INSIG1: variants seen among roughly 807,000 people sequenced by gnomAD.
INSIG1 encodes the protein insulin-induced gene 1 protein.
INSIG1 carries 14 observed loss-of-function variants against 26.5 expected under a neutral mutation model. The observed-to-expected ratio is 0.53, with a 90% CI of 0.35 to 0.83. The LOEUF is 0.83. Ranked by LOEUF, INSIG1 falls within the 40% of genes least tolerant of loss-of-function variation. The pLI, the probability that INSIG1 is intolerant of heterozygous loss-of-function variation, is 0.01. For missense variants in INSIG1, 272 were observed against 368.9 expected (o/e 0.74, Z 2.15); for synonymous variants, 147 against 153.3 (o/e 0.96, Z 0.30).
intron 5 of INSIG1, among the ~76,000 whole-genome samples, chr7:155,305,600 G>A (rs1444914845): frequency 2.6e-5 from 4 of 152,198 alleles, no homozygotes; most frequent in African/African-American, 4.8e-5. Context: ...GGGAGATGAC[G>A]AGAGTGAAGT....
chr7:155,300,612 C>T (rs551581597), intron 2 of INSIG1, among the ~76,000 whole-genome samples: 2 of 152,170 alleles, frequency 1.3e-5, no homozygotes, highest in African/African-American at 4.8e-5. Context: ...CCCACTCCCC[C>T]CTACAGACAT....
In INSIG1 at chr7:155,297,946, C is replaced by T. The variant is rs929715390; in HGVS notation, c.-41C>T. 1.5e-5 allele frequency: 3 copies of T among 198,320 alleles called. No individual in the cohort carries two copies. The highest frequency in any genetic ancestry group is 2.0e-5 in the Non-Finnish European group (2 of 98,682). 12.3% of individuals were successfully genotyped at this position (198,320 alleles called of 1,614,324 possible). On this transcript the variant is annotated 5_prime_UTR_variant, in exon 1 of 6. Coordinates refer to ENST00000340368, the MANE Select transcript of INSIG1 (RefSeq NM_005542.6). ...TCCGTTCGGAGAGCCGGCGGGCGGG[C>T]GCCTCTCGGCCAGGTACGCGGCCGG...
chr7:155,303,856 A>T (rs1244729494), intron 5 of INSIG1: 1 of 1,366,278 alleles, frequency 7.3e-7, no homozygotes, highest in Non-Finnish European at 9.8e-7. Context: ...TTGAATTTGA[A>T]GACCACTTGG....
Position 155,298,545 on chromosome 7 carries a change from G to A in INSIG1, c.260G>A (p.Arg87Lys), listed in dbSNP as rs1797695022. The A allele has an allele frequency of 6.2e-7, 1 of 1,606,210 alleles. No individual in the cohort carries two copies. The highest frequency in any genetic ancestry group is 1.3e-5 in the African/African-American group (1 of 74,960). The part of the protein sequence containing the change: ...PNTWHHRLLQ[R>K]SLVLFSVGVV... ...ACCTGGCATCATCGCCTGTTGCAGA[G>A]GAGCCTCGTGCTCTTCTCGGTTGGG... Residue 87 changes from arginine (R) to lysine (K), a missense_variant, in exon 2 of 6, where the codon AGG (arginine) becomes AAG (lysine). Arg to Lys is a conservative substitution (Grantham distance 26, BLOSUM62 2). This residue lies in a region of INSIG1 where 161 missense variants were observed against 179.2 expected (regional missense o/e 0.90). Transcript: ENST00000340368.
intron 2 of INSIG1, among the ~76,000 whole-genome samples, chr7:155,300,389 G>A (rs965556371): frequency 6.6e-6 from 1 of 151,986 alleles, no homozygotes; most frequent in African/African-American, 2.4e-5. Context: ...CCATTTTTCA[G>A]AACTCCAAAA....
Position 155,298,445 on chromosome 7 carries a change from C to T in INSIG1, c.160C>T (p.Pro54Ser). ...GPSLLAAHGAPDADPAPRGRS... is the reference protein window; with the variant it reads ...GPSLLAAHGASDADPAPRGRS... ...CTCCCTGCTGGCGGCCCACGGTGCC[C>T]CGGACGCTGACCCCGCGCCCAGGGG... Residue 54 changes from proline to serine, a missense_variant, in exon 2 of 6, where the codon CCG becomes TCG. Physicochemically the swap from Pro to Ser is moderately conservative, Grantham distance 74. This residue lies in a region of INSIG1 where 161 missense variants were observed against 179.2 expected (regional missense o/e 0.90). Coordinates refer to ENST00000340368, the MANE Select transcript of INSIG1 (RefSeq NM_005542.6). 1 of 1,555,334 alleles carries T rather than the reference C, an allele frequency of 6.4e-7. No individual in the cohort carries two copies.
chr7:155,300,066 C>T (rs1563029842), intron 2 of INSIG1, among the ~76,000 whole-genome samples: 1 of 152,128 alleles, frequency 6.6e-6, no homozygotes. Context: ...TTTCGAAACA[C>T]TTTATGTGGC....
chr7:155,302,773 T>A lies in INSIG1; in HGVS notation c.731T>A (p.Ile244Asn). ...TATACATCCCCAGATTTCCTCTATA[T>A]TCGTTCTTGGCTCCCTTGTATATTT... ...YQYTSPDFLYIRSWLPCIFFS... is the reference protein window; with the variant it reads ...YQYTSPDFLYNRSWLPCIFFS... Residue 244 changes from isoleucine (I) to asparagine (N), a missense_variant, in exon 5 of 6, where the codon ATT becomes AAT. Physicochemically the swap from Ile to Asn is moderately radical, Grantham distance 149. This residue lies in a region of INSIG1 where 111 missense variants were observed against 189.8 expected (regional missense o/e 0.58). Coordinates refer to ENST00000340368, the MANE Select transcript of INSIG1 (RefSeq NM_005542.6). This position sits in a 1 kb window ranked among gnomAD's most constrained non-coding sequence, Gnocchi z 4.3. 1 of 1,612,456 alleles carries A rather than the reference T, an allele frequency of 6.2e-7. No individual in the cohort carries two copies. Among genetic ancestry groups the A allele is most frequent in the Non-Finnish European group, 8.5e-7 (1 of 1,178,474 alleles).
intron 2 of INSIG1, 41 bp from the exon 3 acceptor site, chr7:155,301,525 G>C (rs758986037): frequency 6.4e-7 from 1 of 1,562,238 alleles, no homozygotes; most frequent in African/African-American, 1.4e-5. Context: ...TCTGGAACTT[G>C]AATCTGCTGT....
In INSIG1 at chr7:155,298,358, G is replaced by A; in HGVS notation, c.73G>A (p.Ala25Thr). The change falls in exon 2 of 6, where the codon GCC (alanine) becomes ACC (threonine). Residue 25 changes from alanine (A) to threonine (T), a missense_variant. Physicochemically the swap from Ala to Thr is moderately conservative, Grantham distance 58. Transcript: ENST00000340368. ...HSARRRGPPR[A>T]SAAGLAAKVG... ...CGCGAGGCGCCGAGGCCCCCCGCGA[G>A]CCAGCGCCGCGGGGCTGGCGGCCAA... 1 of 1,517,996 alleles carries A rather than the reference G, an allele frequency of 6.6e-7. No individual in the cohort carries two copies. The highest frequency in any genetic ancestry group is 8.8e-7 in the Non-Finnish European group (1 of 1,140,860). 94.0% of individuals were successfully genotyped at this position (1,517,996 alleles called of 1,614,324 possible).
At position 155,298,680 on chromosome 7, in the gene INSIG1, G is replaced by C; in HGVS notation, c.395G>C (p.Cys132Ser). The C allele has an allele frequency of 6.2e-7, 1 of 1,611,444 alleles. No individual in the cohort carries two copies. Among genetic ancestry groups the C allele is most frequent in the Non-Finnish European group, 8.5e-7 (1 of 1,179,896 alleles). The change falls in exon 2 of 6, where the codon TGC (cysteine) becomes TCC (serine). Residue 132 changes from cysteine (C) to serine (S), a missense_variant. Cys to Ser is a moderately radical substitution (Grantham distance 112). This residue lies in a region of INSIG1 where 111 missense variants were observed against 189.8 expected (regional missense o/e 0.58). Transcript: ENST00000340368. ...TCCTCCGCCTGGTGGGTCCCTCCCT[G>C]CTGCGGGACAGCAGCTGGTGAGTAC... ...IFSSAWWVPP[C>S]CGTAAAVVGL...
At chr7:155,303,084 T>C (rs954944187) in intron 5 of INSIG1, 4 of 379,880 alleles carry the variant, frequency 1.1e-5, no homozygotes, top group Non-Finnish European at 2.0e-5. Flanking sequence ...CACTGCCCCT[T>C]TGAATTGCAG....
At position 155,297,886 on chromosome 7, in the gene INSIG1, C is replaced by T. The variant is rs879567835; in HGVS notation, c.-101C>T. ...CGCGCCCGCCAGGCGCTGCGGCCGT[C>T]CCGGGCCGTGACTCCTCCTTTCCCC... On this transcript the variant is annotated 5_prime_UTR_variant, in exon 1 of 6. Coordinates refer to ENST00000340368, the MANE Select transcript of INSIG1 (RefSeq NM_005542.6). 1.9e-5 allele frequency: 3 copies of T among 156,744 alleles called. No individual in the cohort carries two copies. Among genetic ancestry groups the T allele is most frequent in the Non-Finnish European group, 4.2e-5 (3 of 71,416 alleles). 9.7% of individuals were successfully genotyped at this position (156,744 alleles called of 1,614,324 possible). A position where few individuals can be genotyped will look rare whatever the true frequency, so the allele number is the denominator to read the frequency against.
chr7:155,304,470 T>G (rs1481023630), intron 5 of INSIG1, among the ~76,000 whole-genome samples: 1 of 152,248 alleles, frequency 6.6e-6, no homozygotes, highest in Non-Finnish European at 1.5e-5. Context: ...CCAGATTGAC[T>G]AATTACACAT....
At position 155,302,895 on chromosome 7, in the gene INSIG1, T is replaced by C. The variant is rs770355507; in HGVS notation, c.804+49T>C. On this transcript the variant is annotated intron_variant, in intron 5 of 5. Transcript: ENST00000340368. This position sits in a 1 kb window ranked among gnomAD's most constrained non-coding sequence, Gnocchi z 4.3. ...TTCTAAAACTTGCGTCTCTTTACCTTGATAGAATGACTTTACATGATACAT... is the reference window on the plus strand; with the variant it reads ...TTCTAAAACTTGCGTCTCTTTACCTCGATAGAATGACTTTACATGATACAT... 3.2e-6 allele frequency: 4 copies of C among 1,235,044 alleles called. No individual in the cohort carries two copies. In the Admixed American group the frequency reaches 5.1e-5, roughly 16 times the overall value. The allele number at this position is 1,235,044 out of a possible 1,614,324, so 76.5% of individuals were successfully genotyped here.
chr7:155,308,476 G>C lies in INSIG1; in HGVS notation c.*206G>C, dbSNP rs183081599. On this transcript the variant is annotated 3_prime_UTR_variant, in exon 6 of 6. Coordinates refer to ENST00000340368, the MANE Select transcript of INSIG1 (RefSeq NM_005542.6). ...CCCTGAAGTCTTCCCTTGACTGCCC[G>C]CACTGGCGCCTGTCTGTGCCCTGGA... The C allele has an allele frequency of 1.5e-6, 1 of 648,934 alleles. No homozygotes were observed. Among genetic ancestry groups the C allele is most frequent in the Non-Finnish European group, 2.8e-6 (1 of 360,588 alleles). 40.2% of individuals were successfully genotyped at this position (648,934 alleles called of 1,614,324 possible).
In INSIG1 at chr7:155,306,774, T is replaced by C. The variant is rs535187620; in HGVS notation, c.805-1467T>C. Among the ~76,000 whole-genome samples, 3 of 152,330 alleles carry C rather than the reference T, an allele frequency of 2.0e-5. No individual in the cohort carries two copies. In the South Asian group the frequency reaches 6.2e-4, roughly 32 times the overall value. On this transcript the variant is annotated intron_variant, in intron 5 of 5. Coordinates refer to ENST00000340368, the MANE Select transcript of INSIG1 (RefSeq NM_005542.6). The stretch of plus-strand genomic sequence containing the variant: ...AGAGGTCGACGTGGCACCGTGCTTC[T>C]CATTAGCATACCACACTGCCCTTTC...
rs1277377824 is a variant in INSIG1, at chr7:155,298,348, C to T, written c.63C>T (p.Gly21=). ...GTGCGCACAGCGCGAGGCGCCGAGG[C>T]CCCCCGCGAGCCAGCGCCGCGGGGC... is the stretch of plus-strand genomic sequence containing the variant. ...CSCAHSARRR[G]PPRASAAGLA... Residue 21 remains glycine (G), a synonymous_variant, in exon 2 of 6, where the codon GGC becomes GGT. Coordinates refer to ENST00000340368, the MANE Select transcript of INSIG1 (RefSeq NM_005542.6). The T allele has an allele frequency of 3.2e-5, 49 of 1,511,026 alleles. No homozygotes were observed. The highest frequency in any genetic ancestry group is 4.0e-5 in the Non-Finnish European group (46 of 1,138,400). 93.6% of individuals were successfully genotyped at this position (1,511,026 alleles called of 1,614,324 possible).
Position 155,302,828 on chromosome 7 carries a change from A to C in INSIG1, c.786A>C (p.Ile262=). 6.2e-7 allele frequency: 1 copy of C among 1,605,378 alleles called. No homozygotes were observed. Among genetic ancestry groups the C allele is most frequent in the Non-Finnish European group, 8.5e-7 (1 of 1,172,108 alleles). ...CAGGAGGCGTCACGGTGGGGAACAT[A>C]GGACGACAGTTAGCTATGGTAAGTG... ...FFSGGVTVGN[I]GRQLAMGVPE... Residue 262 remains isoleucine, a synonymous_variant, in exon 5 of 6, where the codon ATA becomes ATC. Coordinates refer to ENST00000340368, the MANE Select transcript of INSIG1 (RefSeq NM_005542.6). The surrounding 1 kb of genome is among the most constrained non-coding windows in gnomAD (Gnocchi z 4.3).
Sources: allele counts gnomAD v4.1 joint callset (sites outside exome capture counted in the v4.1 genomes callset), GRCh38; gene constraint gnomAD v4.1.1; regional missense constraint gnomAD v4.1.1; non-coding constraint Gnocchi (gnomAD v3.1); transcripts MANE v1.5; gene names NCBI Gene and HGNC (gene_info 2026-07-23, HGNC 2026-07-21).